Variants in TAB2 observed in about 807,000 individuals in gnomAD.
TAB2 encodes the protein TGF-beta activated kinase 1 (MAP3K7) binding protein 2.
TAB2 carries 3 observed loss-of-function variants against 65.0 expected under a neutral mutation model. The observed-to-expected ratio is 0.05, with a 90% CI of 0.02 to 0.12. The LOEUF (loss-of-function observed/expected upper bound fraction) is 0.12. TAB2 is among the 10% of genes least tolerant of loss of function. The pLI is 1.00. For synonymous variants in TAB2, 298 were observed against 285.1 expected, an observed-to-expected ratio of 1.05 and a Z score of -0.46; for missense variants, 623 against 840.3, an observed-to-expected ratio of 0.74 and a Z score of 3.20.
At chr6:149,237,041 G>T (rs907652596) in intron 1 of TAB2, among the ~76,000 whole-genome samples, 5 of 152,066 alleles carry the variant, frequency 3.3e-5, no homozygotes, top group Admixed American at 6.5e-5. Flanking sequence ...TAATTTATTT[G>T]CATGGCGATC....
chr6:149,378,037 C>A lies in TAB2; in HGVS notation c.122C>A (p.Ala41Asp). 6.2e-7 allele frequency: 1 copy of A among 1,613,840 alleles called. No individual in the cohort carries two copies. The highest frequency in any genetic ancestry group is 8.5e-7 in the Non-Finnish European group (1 of 1,179,810). ...TCATAGAATAATAATAACCTGGATG[C>A]CTGCTGTGCTGTTCTCTCTCAGGAG... Reference protein sequence around the residue: ...CMLQNNNNLDACCAVLSQEST... With the variant: ...CMLQNNNNLDDCCAVLSQEST... Residue 41 changes from alanine (A) to aspartate (D), a missense_variant, in exon 3 of 7, where the codon GCC (alanine) becomes GAC (aspartate). Physicochemically the swap from Ala to Asp is moderately radical, Grantham distance 126. Transcript: ENST00000637181.
intron 1 of TAB2, among the ~76,000 whole-genome samples, chr6:149,361,751 C>G (rs1302085184): frequency 1.3e-5 from 2 of 152,192 alleles, no homozygotes; most frequent in African/African-American, 4.8e-5. Flanking sequence ...AATATAACTT[C>G]CAACATTAAG....
rs139215753 is a variant in TAB2 at position 149,370,038 on chromosome 6, A to G, written c.41A>G (p.His14Arg). The G allele has an allele frequency of 5.6e-6, 9 of 1,614,042 alleles. No individual in the cohort carries two copies. The highest frequency in any genetic ancestry group is 2.7e-5 in the African/African-American group (2 of 74,936). The change falls in exon 2 of 7, where the codon CAT becomes CGT. Residue 14 changes from histidine to arginine, a missense_variant. His to Arg is a conservative substitution (Grantham distance 29). Coordinates refer to ENST00000637181, the MANE Select transcript of TAB2 (RefSeq NM_001292034.3). ...GSHQIDFQVL[H>R]DLRQKFPEVP... ...CACCAAATTGATTTTCAGGTTTTACATGACCTGCGACAAAAATTCCCTGAA... is the reference window on the plus strand; with the variant it reads ...CACCAAATTGATTTTCAGGTTTTACGTGACCTGCGACAAAAATTCCCTGAA...
At chr6:149,309,804 G>T (rs371723396) in intron 1 of TAB2, among the ~76,000 whole-genome samples, 10 of 152,192 alleles carry the variant, frequency 6.6e-5, no homozygotes, top group South Asian at 6.2e-4. Flanking sequence ...AATAGGAAAG[G>T]GGATGAAATG....
chr6:149,397,815 C>A (rs1250364305), intron 4 of TAB2, 51 bp downstream of exon 4: 1 of 1,600,758 alleles, frequency 6.2e-7, no homozygotes, highest in Admixed American at 1.7e-5. Flanking sequence ...GAGAGTAGGC[C>A]ATCTAACATA....
chr6:149,281,701 T>C, intron 1 of TAB2, among the ~76,000 whole-genome samples: 1 of 150,444 alleles, frequency 6.6e-6, no homozygotes. Context: ...GGTAATCATA[T>C]AAATGTAAAT....
At chr6:149,287,598 T>A (rs1245739724) in intron 1 of TAB2, among the ~76,000 whole-genome samples, 1 of 152,152 alleles carries the variant, frequency 6.6e-6, no homozygotes, top group Non-Finnish European at 1.5e-5. Context: ...TGCTGATGTA[T>A]ATATTAACTT....
chr6:149,357,981 G>A (rs936560003), intron 1 of TAB2, among the ~76,000 whole-genome samples: 11 of 152,146 alleles, frequency 7.2e-5, no homozygotes, highest in Admixed American at 2.6e-4. Context: ...GATTACAGGC[G>A]TGAGCCATCA....
intron 1 of TAB2, among the ~76,000 whole-genome samples, chr6:149,263,267 T>G (rs1172219825): frequency 2.0e-5 from 3 of 152,168 alleles, no homozygotes; most frequent in Non-Finnish European, 4.4e-5. Flanking sequence ...TTGTTACTTA[T>G]TAGGGAAAAA....
In TAB2 at chr6:149,224,905, G is replaced by C. The variant is rs553682578; in HGVS notation, c.-121+6129G>C. 2.0e-5 allele frequency among the ~76,000 whole-genome samples: 3 copies of C among 152,276 alleles called. No homozygotes were observed. In the East Asian group the frequency reaches 5.8e-4, roughly 29 times the overall value. On this transcript the variant is annotated intron_variant, in intron 1 of 1. Coordinates refer to the TAB2 transcript ENST00000606202. The stretch of plus-strand genomic sequence containing the variant: ...TTTTTTAGAAAGTGCCAGTGTAATT[G>C]ATAGCATATGCTGCTTTTTAGCCAT...
At chr6:149,288,460 A>G (rs1414952501) in intron 1 of TAB2, among the ~76,000 whole-genome samples, 2 of 152,150 alleles carry the variant, frequency 1.3e-5, no homozygotes, top group Non-Finnish European at 2.9e-5. Context: ...CCCATCTCCC[A>G]GCCCCCTGAG....
At position 149,378,996 on chromosome 6, in the gene TAB2, A is replaced by C; in HGVS notation, c.1081A>C (p.Asn361His). Residue 361 changes from asparagine to histidine, a missense_variant, in exon 3 of 7, where the codon AAC (asparagine) becomes CAC (histidine). By Grantham distance (68) the Asn-to-His change is moderately conservative. This residue lies in a region of TAB2 where 550 missense variants were observed against 665.7 expected (regional missense o/e 0.83). Transcript: ENST00000637181. ...CTCTTCAGTCAATAGCCAGACCTTA[A>C]ACAGAAATCAGCCCACTGTTTACAT... ...TSSSVNSQTL[N>H]RNQPTVYIAA... 1 of 1,614,156 alleles carries C rather than the reference A, an allele frequency of 6.2e-7. No individual in the cohort carries two copies. The highest frequency in any genetic ancestry group is 8.5e-7 in the Non-Finnish European group (1 of 1,180,024).
intron 1 of TAB2, among the ~76,000 whole-genome samples, chr6:149,352,043 C>G (rs1329387295): frequency 2.6e-5 from 4 of 151,982 alleles, no homozygotes; most frequent in East Asian, 1.9e-4. Context: ...GGTTCCTTTT[C>G]TTTCTTAAGA....
chr6:149,379,249 A>C lies in TAB2; in HGVS notation c.1334A>C (p.Asn445Thr). 6.2e-7 allele frequency: 1 copy of C among 1,614,228 alleles called. No homozygotes were observed. Among genetic ancestry groups the C allele is most frequent in the Non-Finnish European group, 8.5e-7 (1 of 1,180,054 alleles). ...CCTCCCAAAAGTCGAGCAATAGGCA[A>C]TAACTCTGCAACCTCTCCTCGAGTG... ...HHPPKSRAIG[N>T]NSATSPRVVV... The change falls in exon 3 of 7, where the codon AAT becomes ACT. Residue 445 changes from asparagine to threonine, a missense_variant. This residue lies in a region of TAB2 where 550 missense variants were observed against 665.7 expected (regional missense o/e 0.83). Transcript: ENST00000637181.
intron 1 of TAB2, among the ~76,000 whole-genome samples, chr6:149,253,547 G>A (rs1232299569): frequency 6.7e-6 from 1 of 150,146 alleles, no homozygotes; most frequent in African/African-American, 2.5e-5. Context: ...TTGAACCTGG[G>A]AGGTGGAGGT....
intron 1 of TAB2, among the ~76,000 whole-genome samples, chr6:149,358,673 T>TGTGTGTGTGTGTGTGTG (rs71010863): frequency 2.5e-4 from 37 of 150,882 alleles, no homozygotes; most frequent in South Asian, 6.3e-4. Context: ...TGTGTGTGTG[T>TGTGTGTGTGTGTGTGTG]TTTCAGTATA....
chr6:149,260,918 C>T (rs1305520083), intron 1 of TAB2, among the ~76,000 whole-genome samples: 2 of 152,170 alleles, frequency 1.3e-5, no homozygotes, highest in African/African-American at 4.8e-5. Flanking sequence ...AATGACAATG[C>T]ATTTTTATGT....
At chr6:149,381,017 G>A (rs1422195528) in intron 3 of TAB2, among the ~76,000 whole-genome samples, 2 of 152,144 alleles carry the variant, frequency 1.3e-5, no homozygotes, top group Non-Finnish European at 2.9e-5. Context: ...TAAAGTGGGA[G>A]GACTGCTTGA....
chr6:149,380,776 A>G (rs758673522), intron 3 of TAB2, among the ~76,000 whole-genome samples: 1 of 152,186 alleles, frequency 6.6e-6, no homozygotes, highest in African/African-American at 2.4e-5. Context: ...TGCAGCCCCT[A>G]CTGTCACTAA....
Sources: allele counts gnomAD v4.1 joint callset (sites outside exome capture counted in the v4.1 genomes callset), GRCh38; gene constraint gnomAD v4.1.1; regional missense constraint gnomAD v4.1.1; transcripts MANE v1.5; gene names NCBI Gene and HGNC (gene_info 2026-07-23, HGNC 2026-07-21).